Variants in PEX7 observed in about 807,000 individuals in gnomAD.
PEX7 encodes the protein peroxisomal biogenesis factor 7.
A neutral mutation model predicts 47.5 loss-of-function variants in PEX7; 34 were observed. The ratio of observed to expected loss-of-function variants is 0.72; its 90% CI spans 0.54 to 0.95. The LOEUF is 0.95. Ranked by LOEUF, PEX7 falls within the 40% of genes least tolerant of loss-of-function variation. PEX7 has a pLI of 0.00. For missense variants in PEX7, 394 were observed against 400.3 expected (o/e 0.98, Z 0.13); for synonymous variants, 141 against 148.8 (o/e 0.95, Z 0.38).
chr6:136,905,625 C>T (rs1047313017), intron 9 of PEX7, among the ~76,000 whole-genome samples: 1 of 152,162 alleles, frequency 6.6e-6, no homozygotes, highest in Non-Finnish European at 1.5e-5. Context: ...ATGCTGACCT[C>T]TTCTTCCTTA....
Position 136,848,250 on chromosome 6 carries a change from G to T in PEX7, c.526+2069G>T, listed in dbSNP as rs1427382154. Among the ~76,000 whole-genome samples, 3 of 152,280 alleles carry T rather than the reference G, an allele frequency of 2.0e-5. No individual in the cohort carries two copies. The East Asian group carries it at 5.8e-4, about 29-fold the overall frequency. Reference sequence around the variant, plus strand: ...TCAGCTTGAGATTTTGGGCTGAGACGGTGGGGTTTTCTAAATACACAATCA... The same window carrying T: ...TCAGCTTGAGATTTTGGGCTGAGACTGTGGGGTTTTCTAAATACACAATCA... On this transcript the variant is annotated intron_variant, in intron 5 of 9. Coordinates refer to ENST00000318471, the MANE Select transcript of PEX7 (RefSeq NM_000288.4).
intron 3 of PEX7, among the ~76,000 whole-genome samples, chr6:136,842,202 C>G (rs1451875995): frequency 6.6e-6 from 1 of 152,070 alleles, no homozygotes; most frequent in Non-Finnish European, 1.5e-5. Context: ...ACCATGTTGG[C>G]CAGGCTGGTC....
chr6:136,837,752 C>T (rs931026199), intron 3 of PEX7, among the ~76,000 whole-genome samples: 5 of 152,076 alleles, frequency 3.3e-5, no homozygotes, highest in Non-Finnish European at 5.9e-5. Context: ...AAGGGACTCT[C>T]ACTGGCCGAA....
chr6:136,887,224 T>G (rs1014026633), intron 8 of PEX7, among the ~76,000 whole-genome samples: 1 of 152,154 alleles, frequency 6.6e-6, no homozygotes, highest in Non-Finnish European at 1.5e-5. Context: ...AATCCTGAAT[T>G]TGCCATTACT....
rs761074779 is a variant in PEX7, at chr6:136,845,668, C to T, written c.393C>T (p.Gly131=). Residue 131 remains glycine (G), a synonymous_variant, in exon 4 of 10, where the codon GGC becomes GGT. Transcript: ENST00000318471. ...QTRGEQLVVS[G]SWDQTVKLWD... ...GAGGTGAACAGCTTGTGGTGTCTGG[C>T]TCATGGGATCAAACTGTCAAATTGG... 3.7e-6 allele frequency: 6 copies of T among 1,607,512 alleles called. No individual in the cohort carries two copies. The highest frequency in any genetic ancestry group is 5.1e-6 in the Non-Finnish European group (6 of 1,174,016).
intron 6 of PEX7, among the ~76,000 whole-genome samples, chr6:136,869,661 A>T (rs906405046): frequency 6.6e-6 from 1 of 152,218 alleles, no homozygotes; most frequent in African/African-American, 2.4e-5. Context: ...GTAGTGTTCC[A>T]TCGTGTACAT....
At chr6:136,907,180 G>T (rs1466860618) in intron 9 of PEX7, among the ~76,000 whole-genome samples, 2 of 151,734 alleles carry the variant, frequency 1.3e-5, no homozygotes, top group African/African-American at 4.8e-5. Flanking sequence ...TAAATATTTT[G>T]TGTCAACTAA....
intron 1 of PEX7, 186 bp downstream of exon 1, chr6:136,822,981 T>C (rs1774110775): frequency 2.0e-6 from 2 of 985,376 alleles, no homozygotes; most frequent in Admixed American, 6.1e-5. Context: ...GGAGTTGGTC[T>C]GAAGCAGGAG....
At position 136,900,524 on chromosome 6, in the gene PEX7, C is replaced by T; in HGVS notation, c.903+2283C>T. The T allele has an allele frequency of 2.1e-6, 1 of 470,558 alleles. No homozygotes were observed. Among genetic ancestry groups the T allele is most frequent in the East Asian group, 6.1e-5 (1 of 16,270 alleles). The allele number at this position is 470,558 out of a possible 1,614,324, so 29.1% of individuals were successfully genotyped here. A position where few individuals can be genotyped will look rare whatever the true frequency, so the allele number is the denominator to read the frequency against. ...TTGTAATTGGTCCTGATAGCTTCCA[C>T]CATCTTAGCCAAAGCCCTTTTGTCT... On this transcript the variant is annotated intron_variant, in intron 9 of 9. Transcript: ENST00000318471. This position sits in a 1 kb window ranked among gnomAD's most constrained non-coding sequence, Gnocchi z 4.2.
chr6:136,875,690 C>G (rs914696815), intron 8 of PEX7, among the ~76,000 whole-genome samples: 2 of 152,130 alleles, frequency 1.3e-5, no homozygotes, highest in Admixed American at 6.5e-5. Flanking sequence ...GTTGTTTAGG[C>G]CTTCTGTATC....
At chr6:136,895,877 TG>T (rs140327906) in intron 8 of PEX7, among the ~76,000 whole-genome samples, 2,431 of 152,314 alleles carry the variant, frequency 0.016, 74 homozygotes, top group African/African-American at 0.056. Context: ...AGATAAATAC[TG>T]GATAGTTTTT....
Position 136,900,713 on chromosome 6 carries a change from G to A in PEX7, c.903+2472G>A. The A allele has an allele frequency of 2.9e-6, 1 of 344,324 alleles. No individual in the cohort carries two copies. Among genetic ancestry groups the A allele is most frequent in the Non-Finnish European group, 5.6e-6 (1 of 177,978 alleles). 21.3% of individuals were successfully genotyped at this position (344,324 alleles called of 1,614,324 possible). ...ACGTCATGTGCAGTCACCGCCAGCT[G>A]AGCCTTCTTCTTCTCCACCAAGGTG... On this transcript the variant is annotated intron_variant, in intron 9 of 9. Transcript: ENST00000318471. The surrounding 1 kb of genome is among the most constrained non-coding windows in gnomAD (Gnocchi z 4.2).
chr6:136,886,798 T>C (rs1350764397), intron 8 of PEX7, among the ~76,000 whole-genome samples: 1 of 152,110 alleles, frequency 6.6e-6, no homozygotes, highest in Non-Finnish European at 1.5e-5. Flanking sequence ...TATGCTTGTA[T>C]TCCTAGCACT....
At chr6:136,903,935 G>C (rs1775797336) in intron 9 of PEX7, among the ~76,000 whole-genome samples, 1 of 151,718 alleles carries the variant, frequency 6.6e-6, no homozygotes, top group Non-Finnish European at 1.5e-5. Flanking sequence ...GCCTCCCAAA[G>C]TACCGGGATT....
chr6:136,853,547 A>G (rs1040840280), intron 5 of PEX7, among the ~76,000 whole-genome samples: 8 of 152,210 alleles, frequency 5.3e-5, no homozygotes, highest in African/African-American at 1.7e-4. Flanking sequence ...AATATCACAC[A>G]CTTTTTTCCC....
rs112150108 is a variant in PEX7, at chr6:136,910,156, T to G, written c.904-3302T>G. On this transcript the variant is annotated intron_variant, in intron 9 of 9. Coordinates refer to ENST00000318471, the MANE Select transcript of PEX7 (RefSeq NM_000288.4). Reference sequence around the variant, plus strand: ...TAGCTCTGCTACTCTATTGTGAACATGAGGACAGAGTTAACCTCTGAAATT... The same window carrying G: ...TAGCTCTGCTACTCTATTGTGAACAGGAGGACAGAGTTAACCTCTGAAATT... 8.6e-3 allele frequency among the ~76,000 whole-genome samples: 1,315 copies of G among 152,338 alleles called. 11 individuals carry two copies. Among genetic ancestry groups the G allele is most frequent in the Middle Eastern group, 0.02 (6 of 294 alleles).
chr6:136,900,982 C>A lies in PEX7; in HGVS notation c.903+2741C>A. ...AGAGGATAACTCTTTGCTGCTGCAG[C>A]CTGACATAGTGGGGCCATTTCACAA... On this transcript the variant is annotated intron_variant, in intron 9 of 9. Transcript: ENST00000318471. This position sits in a 1 kb window ranked among gnomAD's most constrained non-coding sequence, Gnocchi z 4.2. 5.0e-6 allele frequency: 1 copy of A among 200,882 alleles called. No homozygotes were observed. Among genetic ancestry groups the A allele is most frequent in the Non-Finnish European group, 1.0e-5 (1 of 96,172 alleles). The allele number at this position is 200,882 out of a possible 1,614,324, so 12.4% of individuals were successfully genotyped here.
intron 9 of PEX7, among the ~76,000 whole-genome samples, chr6:136,903,564 T>C (rs1775790188): frequency 6.6e-6 from 1 of 151,990 alleles, no homozygotes; most frequent in African/African-American, 2.4e-5. Context: ...AAAATATTAA[T>C]AGAGTAGAAG....
intron 9 of PEX7, among the ~76,000 whole-genome samples, chr6:136,899,102 A>G (rs1209757396): frequency 8.4e-6 from 1 of 119,234 alleles, no homozygotes; most frequent in Non-Finnish European, 1.7e-5. Flanking sequence ...TTTTTTTGAG[A>G]CAGAGTTTCA....
Sources: gnomAD v4.1 joint callset for allele counts (sites outside exome capture counted in the v4.1 genomes callset) on GRCh38, gnomAD v4.1.1 for gene constraint, Gnocchi (gnomAD v3.1) non-coding constraint, MANE v1.5 for transcripts, NCBI Gene and HGNC (gene_info 2026-07-23, HGNC 2026-07-21) for gene names.